Variants in KIF14 observed in about 807,000 individuals in gnomAD.
The protein encoded by KIF14 is kinesin-like protein KIF14.
A neutral mutation model predicts 176.2 loss-of-function variants in KIF14; 98 were observed. That is an observed-to-expected ratio of 0.56 (90% confidence interval 0.47 to 0.66). The LOEUF is 0.66. Ranked by LOEUF, KIF14 falls within the 30% of genes least tolerant of loss-of-function variation. The pLI is 0.00. For synonymous variants in KIF14, 566 were observed against 632.2 expected (o/e 0.90, Z 1.57); for missense variants, 1,751 against 1,920.4 (o/e 0.91, Z 1.65).
At chr1:200,606,900 G>T in intron 5 of KIF14, 102 bp from the exon 6 acceptor site, 6 of 951,296 alleles carry the variant, frequency 6.3e-6, no homozygotes, top group African/African-American at 1.7e-5. Context: ...TAAGAGATTT[G>T]TCTTTATTTT....
Position 200,554,569 on chromosome 1 carries a change from T to G in KIF14, c.4466A>C (p.Glu1489Ala). Reference sequence around the variant, plus strand: ...AACCATCCTCTTGAAATCTTGGTATTCAAAGTTTTCTTCTTGTACTTGCCT... The same window carrying G: ...AACCATCCTCTTGAAATCTTGGTATGCAAAGTTTTCTTCTTGTACTTGCCT... Reference protein sequence around the residue: ...FRRQVQEENFEYQDFKRMVNR... With the variant: ...FRRQVQEENFAYQDFKRMVNR... Residue 1489 changes from glutamate to alanine, a missense_variant, in exon 29 of 30, where the codon GAA (glutamate) becomes GCA (alanine). Coordinates refer to ENST00000367350, the MANE Select transcript of KIF14 (RefSeq NM_014875.3). 2 of 1,547,706 alleles carry G rather than the reference T, an allele frequency of 1.3e-6. No individual in the cohort carries two copies. The highest frequency in any genetic ancestry group is 1.8e-6 in the Non-Finnish European group (2 of 1,124,682).
chr1:200,586,775 A>G lies in KIF14; in HGVS notation c.3115-548T>C, dbSNP rs916922406. On this transcript the variant is annotated intron_variant, in intron 18 of 29. Transcript: ENST00000367350. ...TGAATGGATAAAGAAAATATGGTGT[A>G]TATATATATACATACATATATATAT... 1.3e-4 allele frequency among the ~76,000 whole-genome samples: 11 copies of G among 86,482 alleles called. No individual in the cohort carries two copies. In the South Asian group the frequency reaches 3.8e-3, roughly 30 times the overall value. The allele number at this position is 86,482 out of a possible 152,430, so 56.7% of individuals were successfully genotyped here.
intron 16 of KIF14, 25 bp from the exon 17 acceptor site, chr1:200,590,297 G>C: frequency 6.3e-7 from 1 of 1,592,746 alleles, no homozygotes; most frequent in Non-Finnish European, 8.5e-7. Context: ...GATGTTTATA[G>C]GGTACATGTT....
At chr1:200,562,850 G>A (rs1657236953) in intron 25 of KIF14, among the ~76,000 whole-genome samples, 1 of 148,662 alleles carries the variant, frequency 6.7e-6, no homozygotes, top group Non-Finnish European at 1.5e-5. Flanking sequence ...CATCCCATAT[G>A]AATTTATAAT....
At position 200,615,457 on chromosome 1, in the gene KIF14, G is replaced by A; in HGVS notation, c.1265C>T (p.Thr422Ile). 1.9e-6 allele frequency: 3 copies of A among 1,614,118 alleles called. No individual in the cohort carries two copies. The highest frequency in any genetic ancestry group is 2.5e-6 in the Non-Finnish European group (3 of 1,179,964). The part of the protein sequence containing the change: ...ECHPHYASQT[T>I]VYEKLAAPLL... ...TGGTGCTGCTAGCTTCTCATAGACA[G>A]TTGTCTGGCTAGCGTAGTGAGGATG... Residue 422 changes from threonine to isoleucine, a missense_variant, in exon 3 of 30, where the codon ACT (threonine) becomes ATT (isoleucine). Coordinates refer to ENST00000367350, the MANE Select transcript of KIF14 (RefSeq NM_014875.3).
rs527673822 is a variant in KIF14 at position 200,572,590 on chromosome 1, A to G, written c.3567-2585T>C. ...AATCTCCTGACCTTGTGATCCGCCC[A>G]CCTTGGCCTCCCAAAGTGCTGGGAT... On this transcript the variant is annotated intron_variant, in intron 22 of 29. Coordinates refer to ENST00000367350, the MANE Select transcript of KIF14 (RefSeq NM_014875.3). 1.1e-4 allele frequency among the ~76,000 whole-genome samples: 17 copies of G among 152,180 alleles called. No homozygotes were observed. In the East Asian group the frequency reaches 1.4e-3, roughly 12 times the overall value.
At position 200,575,507 on chromosome 1, in the gene KIF14, A is replaced by G. The variant is rs1558058158; in HGVS notation, c.3566+84T>C. ...GTTCTTTTAAAATAGGAAATAATAT[A>G]TATGATATACAATTTACACACACAC... On this transcript the variant is annotated intron_variant, in intron 22 of 29. Coordinates refer to ENST00000367350, the MANE Select transcript of KIF14 (RefSeq NM_014875.3). 4 of 611,504 alleles carry G rather than the reference A, an allele frequency of 6.5e-6. No homozygotes were observed. The South Asian group carries it at 1.2e-4, about 19-fold the overall frequency. 37.9% of individuals were successfully genotyped at this position (611,504 alleles called of 1,614,324 possible).
intron 25 of KIF14, among the ~76,000 whole-genome samples, chr1:200,564,645 C>G (rs6687711): frequency 6.6e-6 from 1 of 152,000 alleles, no homozygotes; most frequent in East Asian, 1.9e-4. Flanking sequence ...TCTCTCTTCC[C>G]AGTATCCCTT....
chr1:200,580,982 C>T (rs1471114567), intron 20 of KIF14, among the ~76,000 whole-genome samples: 1 of 151,798 alleles, frequency 6.6e-6, no homozygotes, highest in Non-Finnish European at 1.5e-5. Flanking sequence ...TGGTGGCGCA[C>T]ACCACCCAGT....
chr1:200,581,934 T>C (rs943245030), intron 19 of KIF14, among the ~76,000 whole-genome samples: 4 of 151,950 alleles, frequency 2.6e-5, no homozygotes, highest in African/African-American at 4.8e-5. Context: ...CACACCCAGC[T>C]AACTTTCTTA....
At chr1:200,570,653 T>TACAAA (rs1657732157) in intron 22 of KIF14, among the ~76,000 whole-genome samples, 2 of 152,192 alleles carry the variant, frequency 1.3e-5, no homozygotes, top group African/African-American at 4.8e-5. Context: ...AGGTGGTCTT[T>TACAAA]GCATGTCAAT....
chr1:200,566,330 T>C (rs6688907), intron 23 of KIF14, among the ~76,000 whole-genome samples: 84,593 of 150,578 alleles, frequency 0.56, 24,507 homozygotes, highest in East Asian at 0.69. Flanking sequence ...CGGTGGCTCA[T>C]GCCTGTAATC....
chr1:200,561,488 G>A (rs1024721742), intron 25 of KIF14, among the ~76,000 whole-genome samples: 2 of 151,372 alleles, frequency 1.3e-5, no homozygotes, highest in Admixed American at 6.6e-5. Context: ...GCAGTGAGCC[G>A]AGATCGCACC....
At chr1:200,601,573 A>G (rs986970057) in intron 11 of KIF14, among the ~76,000 whole-genome samples, 1 of 152,252 alleles carries the variant, frequency 6.6e-6, no homozygotes, top group East Asian at 1.9e-4. Flanking sequence ...AAGAGAGGTC[A>G]TAAGAGAAAA....
At chr1:200,607,742 G>A (rs371879339) in intron 5 of KIF14, among the ~76,000 whole-genome samples, 5 of 151,812 alleles carry the variant, frequency 3.3e-5, no homozygotes, top group Admixed American at 6.6e-5. Flanking sequence ...TTGCTCTGTC[G>A]CCAGGCTGGA....
chr1:200,559,531 T>C, intron 26 of KIF14, 79 bp from the exon 27 acceptor site: 3 of 761,272 alleles, frequency 3.9e-6, no homozygotes, highest in Non-Finnish European at 5.6e-6. Flanking sequence ...GTTTTATATA[T>C]TTTAAATTAT....
At chr1:200,568,921 A>ATTT (rs144531910) in intron 23 of KIF14, among the ~76,000 whole-genome samples, 141 of 106,654 alleles carry the variant, frequency 1.3e-3, no homozygotes, top group African/African-American at 5.0e-3. Flanking sequence ...GCAGGTAGTA[A>ATTT]TTTTTTTTTT....
intron 18 of KIF14, 114 bp downstream of exon 18, chr1:200,589,103 A>T: frequency 1.3e-6 from 1 of 766,814 alleles, no homozygotes; most frequent in Non-Finnish European, 2.1e-6. Flanking sequence ...TCATCTACAC[A>T]TCTACAAACC....
At chr1:200,588,087 T>C (rs990878383) in intron 18 of KIF14, among the ~76,000 whole-genome samples, 1 of 152,006 alleles carries the variant, frequency 6.6e-6, no homozygotes. Flanking sequence ...AACCTTAAGA[T>C]TAAGATATAA....
Sources: allele counts gnomAD v4.1 joint callset (sites outside exome capture counted in the v4.1 genomes callset), GRCh38; gene constraint gnomAD v4.1.1; transcripts MANE v1.5; gene names NCBI Gene and HGNC (gene_info 2026-07-23, HGNC 2026-07-21).